Variants in PHACTR3 observed in about 807,000 individuals in gnomAD.
PHACTR3 encodes the protein phosphatase and actin regulator 3.
A neutral mutation model predicts 66.8 loss-of-function variants in PHACTR3; 16 were observed. The ratio of observed to expected loss-of-function variants is 0.24; its 90% CI spans 0.16 to 0.36. PHACTR3 has a LOEUF of 0.36. Ranked by LOEUF, PHACTR3 falls within the 10% of genes least tolerant of loss-of-function variation. The probability of loss-of-function intolerance (pLI) is 1.00; values close to 1 mark genes in which losing one functional copy is unlikely to be tolerated. For missense variants in PHACTR3, 647 were observed against 719.9 expected (o/e 0.90, Z 1.16); for synonymous variants, 323 against 292.1 (o/e 1.11, Z -1.08).
At chr20:59,824,077 G>C (rs981629284) in intron 8 of PHACTR3, among the ~76,000 whole-genome samples, 7 of 152,142 alleles carry the variant, frequency 4.6e-5, no homozygotes, top group African/African-American at 1.7e-4. Flanking sequence ...GGTATCTAAG[G>C]CCTTCCCACT....
At chr20:59,737,832 G>GGAGTGAGT (rs542487884) in intron 1 of PHACTR3, among the ~76,000 whole-genome samples, 10 of 152,202 alleles carry the variant, frequency 6.6e-5, no homozygotes, top group South Asian at 2.1e-4. Context: ...GTTGAAAGGT[G>GGAGTGAGT]GAGTGAGTGA....
intron 1 of PHACTR3, among the ~76,000 whole-genome samples, chr20:59,652,665 T>C (rs2035494579): frequency 6.6e-6 from 1 of 152,246 alleles, no homozygotes; most frequent in African/African-American, 2.4e-5. Context: ...ATTGACATTA[T>C]CTGTCATCAT....
chr20:59,646,567 A>G (rs1358715051), intron 1 of PHACTR3, among the ~76,000 whole-genome samples: 2 of 152,078 alleles, frequency 1.3e-5, no homozygotes, highest in Non-Finnish European at 2.9e-5. Flanking sequence ...GACTTTCTCA[A>G]TCTGGGCCCA....
rs2059050331 is a variant in PHACTR3, at chr20:59,841,064, C to T, written c.1447-331C>T. ...TGGACATATAATAACTTTATTAGTA[C>T]TTTTAAAAAGCTTATCTAATTGTAT... On this transcript the variant is annotated intron_variant, in intron 10 of 12. Transcript: ENST00000371015. Among the ~76,000 whole-genome samples, 5 of 152,112 alleles carry T rather than the reference C, an allele frequency of 3.3e-5. No homozygotes were observed. In the South Asian group the frequency reaches 1.0e-3, roughly 32 times the overall value.
chr20:59,727,321 C>A (rs774517807), intron 1 of PHACTR3, among the ~76,000 whole-genome samples: 1 of 152,034 alleles, frequency 6.6e-6, no homozygotes, highest in East Asian at 1.9e-4. Context: ...ATAGACTATA[C>A]TTGATGTGTC....
At chr20:59,684,569 G>A (rs546930854) in intron 1 of PHACTR3, among the ~76,000 whole-genome samples, 87 of 152,312 alleles carry the variant, frequency 5.7e-4, no homozygotes, top group African/African-American at 2.0e-3. Flanking sequence ...GGAGTCTGCT[G>A]TCATAGGAAG....
chr20:59,659,757 A>G (rs181961558), intron 1 of PHACTR3, among the ~76,000 whole-genome samples: 1 of 152,176 alleles, frequency 6.6e-6, no homozygotes, highest in East Asian at 1.9e-4. Flanking sequence ...TTTTTCCCTT[A>G]CCATAGCTTA....
At chr20:59,586,191 C>T (rs1242036614) in intron 1 of PHACTR3, among the ~76,000 whole-genome samples, 3 of 152,222 alleles carry the variant, frequency 2.0e-5, no homozygotes, top group Non-Finnish European at 4.4e-5. Context: ...CACAGACTTC[C>T]TGCCTCCTGC....
At chr20:59,665,384 T>C (rs1369096240) in intron 1 of PHACTR3, among the ~76,000 whole-genome samples, 1 of 152,180 alleles carries the variant, frequency 6.6e-6, no homozygotes, top group Non-Finnish European at 1.5e-5. Flanking sequence ...TACTCAAAGG[T>C]GTTTGATTTC....
chr20:59,662,329 G>A (rs935559016), intron 1 of PHACTR3, among the ~76,000 whole-genome samples: 26 of 152,154 alleles, frequency 1.7e-4, no homozygotes, highest in African/African-American at 6.0e-4. Context: ...GGGACACAGA[G>A]GCGGATTCTA....
chr20:59,840,675 G>GACATTTTTTACTTATGTTC (rs2059042819), intron 10 of PHACTR3, among the ~76,000 whole-genome samples: 1 of 152,222 alleles, frequency 6.6e-6, no homozygotes, highest in Non-Finnish European at 1.5e-5. Flanking sequence ...CAATGCACAT[G>GACATTTTTTACTTATGTTC]ACATTTTTTA....
intron 7 of PHACTR3, among the ~76,000 whole-genome samples, chr20:59,785,065 C>G (rs1217787061): frequency 1.3e-5 from 2 of 152,136 alleles, no homozygotes; most frequent in African/African-American, 2.4e-5. Context: ...TGAGGAGGCT[C>G]AGGCAGGAGG....
intron 1 of PHACTR3, among the ~76,000 whole-genome samples, chr20:59,692,523 C>A (rs1741473645): frequency 1.3e-5 from 2 of 152,218 alleles, no homozygotes; most frequent in South Asian, 2.1e-4. Flanking sequence ...TCTAGTGATG[C>A]AAGCAACAAA....
intron 1 of PHACTR3, among the ~76,000 whole-genome samples, chr20:59,612,231 G>A (rs758351376): frequency 6.6e-6 from 1 of 152,194 alleles, no homozygotes; most frequent in Non-Finnish European, 1.5e-5. Context: ...CTTTAACACA[G>A]GGCACCAAAC....
intron 1 of PHACTR3, among the ~76,000 whole-genome samples, chr20:59,618,632 C>T (rs1172382500): frequency 2.0e-5 from 3 of 152,216 alleles, no homozygotes; most frequent in Admixed American, 6.5e-5. Flanking sequence ...CCATGAGGCA[C>T]CTACGTGGTG....
rs915788304 is a variant in PHACTR3 at position 59,707,265 on chromosome 20, A to T, written c.119-35842A>T. Among the ~76,000 whole-genome samples, 2 of 152,138 alleles carry T rather than the reference A, an allele frequency of 1.3e-5. 1 individual carries two copies. The highest frequency in any genetic ancestry group is 4.1e-4 in the South Asian group (2 of 4,824). The stretch of plus-strand genomic sequence containing the variant: ...TGTAGAGCCCCTGACTCATATTCTC[A>T]TAGCTTAGCAATCCTTACTTAGTGA... On this transcript the variant is annotated intron_variant, in intron 1 of 12. Transcript: ENST00000371015.
intron 1 of PHACTR3, among the ~76,000 whole-genome samples, chr20:59,711,842 A>G (rs1428309437): frequency 3.3e-5 from 5 of 152,082 alleles, no homozygotes; most frequent in African/African-American, 1.2e-4. Context: ...GTAGAGTTTA[A>G]TTTTCTTTTT....
intron 11 of PHACTR3, 23 bp downstream of exon 11, chr20:59,841,558 G>A (rs566058133): frequency 2.5e-6 from 4 of 1,602,778 alleles, no homozygotes; most frequent in African/African-American, 1.3e-5. Flanking sequence ...CTGTGCTGGT[G>A]GGGGGTGTTG....
chr20:59,699,836 C>T (rs1284761494), intron 1 of PHACTR3, among the ~76,000 whole-genome samples: 1 of 152,110 alleles, frequency 6.6e-6, no homozygotes, highest in African/African-American at 2.4e-5. Flanking sequence ...GTGGCAGGCA[C>T]CTGTAATCCC....
Sources: gnomAD v4.1 joint callset for allele counts (sites outside exome capture counted in the v4.1 genomes callset) on GRCh38, gnomAD v4.1.1 for gene constraint, MANE v1.5 for transcripts, NCBI Gene and HGNC (gene_info 2026-07-23, HGNC 2026-07-21) for gene names.